SREBF1: variants seen among roughly 807,000 people sequenced by gnomAD.
SREBF1 encodes the protein sterol regulatory element binding transcription factor 1.
Under a neutral mutation model 100.1 loss-of-function variants are expected in SREBF1, and 45 were observed. That is an observed-to-expected ratio of 0.45 (90% CI 0.35 to 0.58). The LOEUF (loss-of-function observed/expected upper bound fraction) is 0.58. Ranked by LOEUF, SREBF1 falls within the 20% of genes least tolerant of loss-of-function variation. The pLI is 0.00. For synonymous variants in SREBF1, 657 were observed against 681.8 expected (o/e 0.96, Z 0.57); for missense variants, 1,324 against 1,539.4 (o/e 0.86, Z 2.34).
At chr17:17,823,647 G>T (rs780085509) in intron 1 of SREBF1, 5 of 1,517,182 alleles carry the variant, frequency 3.3e-6, no homozygotes, top group Non-Finnish European at 3.6e-6. Flanking sequence ...GTTGAGCGCT[G>T]CGGCGCGCCC....
At chr17:17,818,426 G>A (rs562092413) in intron 5 of SREBF1, 52 bp from the exon 6 acceptor site, 150 of 1,412,230 alleles carry the variant, frequency 1.1e-4, no homozygotes, top group African/African-American at 2.1e-4. Context: ...TCAGGTCGGG[G>A]GTTGTGGGGT....
intron 1 of SREBF1, 32 bp downstream of exon 1, chr17:17,836,695 C>T: frequency 4.5e-6 from 7 of 1,540,226 alleles, no homozygotes; most frequent in Non-Finnish European, 5.2e-6. Flanking sequence ...CGCCACCCGG[C>T]GCAGCTTCAA....
At chr17:17,813,259 CCTGT>C (rs763678884) in intron 18 of SREBF1, 105 bp downstream of exon 18, 1 of 1,171,004 alleles carries the variant, frequency 8.5e-7, no homozygotes, top group Non-Finnish European at 1.2e-6. Flanking sequence ...CTGCGCCAGG[CCTGT>C]CTGTCCCGTC....
intron 1 of SREBF1, among the ~76,000 whole-genome samples, chr17:17,836,305 T>C (rs2035228410): frequency 1.3e-5 from 2 of 152,318 alleles, no homozygotes; most frequent in South Asian, 4.1e-4. Context: ...AGCTGAACTC[T>C]CGGGCCGGAG....
In SREBF1 at chr17:17,819,467, G is replaced by C. The variant is rs764850318; in HGVS notation, c.712-13C>G. The C allele has an allele frequency of 5.0e-6, 8 of 1,613,452 alleles. No homozygotes were observed. In the South Asian group the frequency reaches 8.8e-5, roughly 18 times the overall value. On this transcript the variant is annotated splice_polypyrimidine_tract_variant and intron_variant, in intron 3 of 18. Coordinates refer to ENST00000261646, the MANE Select transcript of SREBF1 (RefSeq NM_004176.5). ...GCTGCAGCAGGACCTGAGGGTGGGA[G>C]AGGCTTGGCTGTAAGCTGTGTGTCT...
intron 14 of SREBF1, 38 bp downstream of exon 14, chr17:17,814,797 A>T (rs1237586575): frequency 6.2e-7 from 1 of 1,608,844 alleles, no homozygotes; most frequent in Non-Finnish European, 8.5e-7. Flanking sequence ...TGCACGGGGG[A>T]GCTGAGAAGG....
At chr17:17,823,438 G>T (rs898636536) in intron 1 of SREBF1, 140 of 983,958 alleles carry the variant, frequency 1.4e-4, no homozygotes, top group Non-Finnish European at 2.1e-4. Context: ...TGCGTAGCCC[G>T]CATGCCCGCC....
Position 17,816,568 on chromosome 17 carries a change from C to T in SREBF1, c.1936G>A (p.Ala646Thr). 1 of 1,604,990 alleles carries T rather than the reference C, an allele frequency of 6.2e-7. No homozygotes were observed. The highest frequency in any genetic ancestry group is 8.5e-7 in the Non-Finnish European group (1 of 1,176,720). ...TGCTGCAGGCCCCCTGCCCGGCCTG[C>T]CAGCCAGCGGCCCACCCAGAGACGC... ...LQRLWVGRWL[A>T]GRAGGLQQDC... Residue 646 changes from alanine to threonine, a missense_variant, in exon 10 of 19, where the codon GCA becomes ACA. Physicochemically the swap from Ala to Thr is moderately conservative, Grantham distance 58. Transcript: ENST00000261646.
chr17:17,836,967 C>T lies in SREBF1; in HGVS notation c.-150G>A, dbSNP rs13306736. On this transcript the variant is annotated 5_prime_UTR_variant, in exon 1 of 19. Transcript: ENST00000261646. The stretch of plus-strand genomic sequence containing the variant: ...GGCCTCAGAGGCGGCCCGGCGCCGG[C>T]GAAAAGTTCCTCGGAAACTGGGTTC... 306,130 of 612,180 alleles carry T rather than the reference C, an allele frequency of 0.5. 87,058 individuals are homozygous for T. Among genetic ancestry groups the T allele is most frequent in the Non-Finnish European group, 0.6 (237,982 of 393,404 alleles). The allele number at this position is 612,180 out of a possible 1,614,324, so 37.9% of individuals were successfully genotyped here.
At chr17:17,820,608 G>T in intron 1 of SREBF1, 87 bp from the exon 2 acceptor site, 1 of 1,416,490 alleles carries the variant, frequency 7.1e-7, no homozygotes, top group Non-Finnish European at 9.8e-7. Flanking sequence ...AACCTTATTT[G>T]CACAACCCTT....
intron 1 of SREBF1, chr17:17,823,683 C>A (rs2034286612): frequency 9.8e-7 from 1 of 1,022,758 alleles, no homozygotes; most frequent in Non-Finnish European, 1.3e-6. Flanking sequence ...GCCCCCAGCC[C>A]CGCCCCAGCC....
Position 17,812,641 on chromosome 17 carries a change from G to C in SREBF1, c.3425C>G (p.Thr1142Ser). Residue 1142 changes from threonine to serine, a missense_variant, in exon 19 of 19, where the codon ACC becomes AGC. By Grantham distance (58) the Thr-to-Ser change is moderately conservative. Coordinates refer to ENST00000261646, the MANE Select transcript of SREBF1 (RefSeq NM_004176.5). ...QQMLMRLGGG[T>S]TVTSS ...CGGGGTCTAGCTGGAAGTGACAGTG[G>C]TCCCACCGCCCAGGCGCATGAGCAT... 1.2e-6 allele frequency: 2 copies of C among 1,606,448 alleles called. No homozygotes were observed. The highest frequency in any genetic ancestry group is 2.2e-5 in the South Asian group (2 of 89,800).
rs764978100 is a variant in SREBF1, at chr17:17,817,665, T to C, written c.1404+31A>G. ...GAGGCTCAGAGGATATGGCTGGGAG[T>C]GGGGAAGGGGGCACCGTGGCAGGGC... is the stretch of plus-strand genomic sequence containing the variant. On this transcript the variant is annotated intron_variant, in intron 7 of 18. Transcript: ENST00000261646. This position sits in a 1 kb window ranked among gnomAD's most constrained non-coding sequence, Gnocchi z 6.6. 1.2e-6 allele frequency: 2 copies of C among 1,609,266 alleles called. No homozygotes were observed. Among genetic ancestry groups the C allele is most frequent in the East Asian group, 4.5e-5 (2 of 44,648 alleles).
intron 17 of SREBF1, 31 bp downstream of exon 17, chr17:17,813,538 C>A: frequency 1.3e-6 from 2 of 1,591,874 alleles, no homozygotes; most frequent in East Asian, 2.3e-5. Context: ...CCTGACTCCC[C>A]GTCTTGAGGA....
intron 1 of SREBF1, among the ~76,000 whole-genome samples, chr17:17,832,368 G>A (rs1194792373): frequency 6.6e-6 from 1 of 152,100 alleles, no homozygotes; most frequent in African/African-American, 2.4e-5. Context: ...ACTGAAGCTC[G>A]GTGTGCCCCT....
Position 17,817,651 on chromosome 17 carries a change from G to A in SREBF1, c.1404+45C>T. 1 of 1,607,826 alleles carries A rather than the reference G, an allele frequency of 6.2e-7. No individual in the cohort carries two copies. The highest frequency in any genetic ancestry group is 2.2e-5 in the East Asian group (1 of 44,822). ...CCCGGCCCTGTCATGAGGCTCAGAG[G>A]ATATGGCTGGGAGTGGGGAAGGGGG... On this transcript the variant is annotated intron_variant, in intron 7 of 18. Coordinates refer to ENST00000261646, the MANE Select transcript of SREBF1 (RefSeq NM_004176.5). The surrounding 1 kb of genome is among the most constrained non-coding windows in gnomAD (Gnocchi z 6.6).
At chr17:17,813,878 G>T in intron 16 of SREBF1, 109 bp from the exon 17 acceptor site, 1 of 1,149,920 alleles carries the variant, frequency 8.7e-7, no homozygotes. Context: ...CCGAGGCACT[G>T]CACCCGCCTC....
intron 1 of SREBF1, among the ~76,000 whole-genome samples, chr17:17,833,879 G>A (rs910544263): frequency 1.3e-5 from 2 of 152,008 alleles, no homozygotes; most frequent in Non-Finnish European, 2.9e-5. Context: ...TTGGGAGCTG[G>A]AGAATCTCTT....
intron 1 of SREBF1, among the ~76,000 whole-genome samples, chr17:17,832,554 C>T (rs757696224): frequency 8.5e-5 from 13 of 152,204 alleles, no homozygotes; most frequent in Non-Finnish European, 2.9e-5. Context: ...GCTTCAAAAG[C>T]AGGCTCGACC....
Sources: allele counts gnomAD v4.1 joint callset (sites outside exome capture counted in the v4.1 genomes callset), GRCh38; gene constraint gnomAD v4.1.1; non-coding constraint Gnocchi (gnomAD v3.1); transcripts MANE v1.5; gene names NCBI Gene and HGNC (gene_info 2026-07-23, HGNC 2026-07-21).